The following RNF150 variants were observed in gnomAD, a reference collection of about 807,000 sequenced individuals.
RNF150 encodes ring finger protein 150.
In RNF150, 24 loss-of-function variants were observed where a neutral mutation model predicts 39.3. The ratio of observed to expected loss-of-function variants is 0.61; its 90% CI spans 0.44 to 0.86. The LOEUF (loss-of-function observed/expected upper bound fraction) is 0.86. Among genes scored for constraint, RNF150 ranks in the 40% least tolerant of loss-of-function variants. The probability of loss-of-function intolerance (pLI) is 0.00; values close to 1 mark genes in which losing one functional copy is unlikely to be tolerated. For missense variants in RNF150, 502 were observed against 587.8 expected (o/e 0.85, Z 1.51); for synonymous variants, 255 against 227.3 (o/e 1.12, Z -1.10).
intron 1 of RNF150, among the ~76,000 whole-genome samples, chr4:141,056,474 T>C (rs1010184384): frequency 8.5e-5 from 13 of 152,064 alleles, no homozygotes; most frequent in African/African-American, 2.9e-4. Flanking sequence ...GGCAGGGGTG[T>C]GGGCTGGTGG....
chr4:141,146,067 T>G (rs185974315), intron 1 of RNF150, among the ~76,000 whole-genome samples: 8 of 152,224 alleles, frequency 5.3e-5, no homozygotes, highest in Non-Finnish European at 7.3e-5. Flanking sequence ...TTAACTTGAC[T>G]GGTTAAATAT....
At chr4:141,033,605 A>G (rs931074499) in intron 1 of RNF150, among the ~76,000 whole-genome samples, 1 of 152,210 alleles carries the variant, frequency 6.6e-6, no homozygotes, top group Non-Finnish European at 1.5e-5. Flanking sequence ...ATCACTGGGC[A>G]GCGATACCTT....
In RNF150 at chr4:141,180,191, T is replaced by G. The variant is rs368337614; in HGVS notation, c.-6+32603A>C. On this transcript the variant is annotated intron_variant, in intron 1 of 7. Coordinates refer to the RNF150 transcript ENST00000420921. ...GAGGTCTTGGAATTGGTGTCTCTGA[T>G]TCTCATGGTTCTTCCCACGTGGCTG... 4.6e-5 allele frequency among the ~76,000 whole-genome samples: 7 copies of G among 152,286 alleles called. No homozygotes were observed. In the South Asian group the frequency reaches 1.4e-3, roughly 32 times the overall value.
At chr4:140,945,902 C>A (rs929061684) in intron 4 of RNF150, among the ~76,000 whole-genome samples, 1 of 151,956 alleles carries the variant, frequency 6.6e-6, no homozygotes, top group African/African-American at 2.4e-5. Flanking sequence ...TTGCTTATAT[C>A]TAAGAGGCTT....
chr4:141,010,311 G>A (rs372627093), intron 1 of RNF150, among the ~76,000 whole-genome samples: 1 of 152,184 alleles, frequency 6.6e-6, no homozygotes, highest in African/African-American at 2.4e-5. Context: ...ATTTTTGTAT[G>A]TTGGGCTCAG....
At chr4:140,948,909 T>C (rs983441475) in intron 3 of RNF150, among the ~76,000 whole-genome samples, 2 of 152,338 alleles carry the variant, frequency 1.3e-5, no homozygotes, top group South Asian at 2.1e-4. Flanking sequence ...TGATTTTATC[T>C]CATGGGACAC....
At chr4:140,960,797 G>C (rs555266442) in intron 2 of RNF150, among the ~76,000 whole-genome samples, 2 of 152,278 alleles carry the variant, frequency 1.3e-5, no homozygotes, top group Admixed American at 1.3e-4. Flanking sequence ...AGGTATGTAA[G>C]AATTGAGATA....
chr4:140,935,843 A>G (rs1248473842), intron 4 of RNF150, among the ~76,000 whole-genome samples: 2 of 152,190 alleles, frequency 1.3e-5, no homozygotes, highest in Admixed American at 1.3e-4. Context: ...AGTGAGCTTG[A>G]TGATTTCTTA....
chr4:141,145,950 G>T (rs1420368764), intron 1 of RNF150, among the ~76,000 whole-genome samples: 2 of 152,190 alleles, frequency 1.3e-5, no homozygotes, highest in Admixed American at 6.5e-5. Flanking sequence ...CTCAGTGTGT[G>T]TCTGGAGTCA....
chr4:141,135,566 A>C (rs1727016895), upstream of RNF150, among the ~76,000 whole-genome samples: 1 of 152,254 alleles, frequency 6.6e-6, no homozygotes, highest in Admixed American at 6.5e-5. Flanking sequence ...ATCCGTGCTA[A>C]TGTTAATACA....
intron 1 of RNF150, among the ~76,000 whole-genome samples, chr4:141,111,111 T>A (rs1739371925): frequency 1.3e-5 from 2 of 152,016 alleles, no homozygotes; most frequent in South Asian, 4.1e-4. Flanking sequence ...AGGGCAACAA[T>A]GAATTATCAG....
intron 1 of RNF150, among the ~76,000 whole-genome samples, chr4:141,149,461 C>T (rs1389282357): frequency 1.3e-5 from 2 of 152,186 alleles, no homozygotes; most frequent in African/African-American, 4.8e-5. Context: ...AGCTTAGCTC[C>T]CACTTATGAG....
At chr4:141,122,290 C>T (rs960848868) in intron 1 of RNF150, among the ~76,000 whole-genome samples, 2 of 152,224 alleles carry the variant, frequency 1.3e-5, no homozygotes, top group Admixed American at 1.3e-4. Context: ...ATCTCTGACA[C>T]TTCATTTCTC....
At position 140,896,704 on chromosome 4, in the gene RNF150, AAAAACAAAC is replaced by A. The variant is rs1560953131; in HGVS notation, c.1198+14431_1198+14439del. The stretch of plus-strand genomic sequence containing the variant: ...GAGTATAATAAAAAAAAAAAAACAA[AAAAACAAAC>A]AAACAAACAAAAAAAAATAATTTTT... On this transcript the variant is annotated intron_variant, in intron 6 of 6. Transcript: ENST00000515673. Among the ~76,000 whole-genome samples the A allele has an allele frequency of 1.7e-4, 14 of 83,484 alleles. No individual in the cohort carries two copies. In the East Asian group the frequency reaches 0.013, roughly 77 times the overall value. 54.8% of individuals were successfully genotyped at this position (83,484 alleles called of 152,430 possible).
chr4:141,192,946 C>T (rs1484077610), intron 1 of RNF150, among the ~76,000 whole-genome samples: 1 of 152,218 alleles, frequency 6.6e-6, no homozygotes, highest in Non-Finnish European at 1.5e-5. Flanking sequence ...GCAAAGATCA[C>T]TTCTCACATT....
At chr4:140,937,702 A>C (rs2111349695) in intron 4 of RNF150, among the ~76,000 whole-genome samples, 1 of 151,890 alleles carries the variant, frequency 6.6e-6, no homozygotes, top group East Asian at 1.9e-4. Flanking sequence ...ATAAAAATTA[A>C]TTATGCCAGC....
intron 1 of RNF150, among the ~76,000 whole-genome samples, chr4:141,172,713 C>T (rs1727749957): frequency 6.6e-6 from 1 of 152,082 alleles, no homozygotes; most frequent in Non-Finnish European, 1.5e-5. Context: ...ACACTTGGTT[C>T]AAAAGCTTAA....
intron 1 of RNF150, among the ~76,000 whole-genome samples, chr4:141,018,050 T>C (rs1735346462): frequency 6.6e-6 from 1 of 152,156 alleles, no homozygotes; most frequent in Non-Finnish European, 1.5e-5. Context: ...CTTAAAAGAA[T>C]TAAAATATAC....
intron 1 of RNF150, among the ~76,000 whole-genome samples, chr4:141,001,218 A>G (rs528619878): frequency 1.3e-5 from 2 of 152,270 alleles, no homozygotes; most frequent in South Asian, 4.1e-4. Flanking sequence ...GAAATGTAGT[A>G]CCTCATAATA....
Sources: allele counts gnomAD v4.1 joint callset (sites outside exome capture counted in the v4.1 genomes callset), GRCh38; gene constraint gnomAD v4.1.1; transcripts MANE v1.5; gene names NCBI Gene and HGNC (gene_info 2026-07-23, HGNC 2026-07-21).